CPEB2: variants seen among roughly 807,000 people sequenced by gnomAD.
The protein encoded by CPEB2 is cytoplasmic polyadenylation element binding protein 2.
Under a neutral mutation model 93.6 loss-of-function variants are expected in CPEB2, and 56 were observed. The ratio of observed to expected loss-of-function variants is 0.60; its 90% CI spans 0.48 to 0.75. CPEB2 has a LOEUF of 0.75. Among genes scored for constraint, CPEB2 ranks in the 30% least tolerant of loss-of-function variants. CPEB2 has a pLI of 0.00. For missense variants in CPEB2, 1,579 were observed against 1,395.1 expected (o/e 1.13, Z -2.10); for synonymous variants, 764 against 586.3 (o/e 1.30, Z -4.38).
rs549213333 is a variant in CPEB2 at position 15,066,073 on chromosome 4, G to C, written c.2878-80G>C. 2.0e-4 allele frequency: 244 copies of C among 1,225,826 alleles called. 2 individuals are homozygous for C. The African/African-American group carries it at 3.2e-3, about 16-fold the overall frequency. The allele number at this position is 1,225,826 out of a possible 1,614,324, so 75.9% of individuals were successfully genotyped here. On this transcript the variant is annotated intron_variant, in intron 11 of 11. Coordinates refer to ENST00000538197, the MANE Select transcript of CPEB2 (RefSeq NM_001177382.2). ...CTTTTAATGCTGGTCCTTTTTTTCT[G>C]CTGTAGAACATTTTAAGTTATTACA...
In CPEB2 at chr4:15,004,088, G is replaced by T. The variant is rs1163842444; in HGVS notation, c.1415G>T (p.Gly472Val). ...AGCTTCTCGCCCGTGTCGCCGCACG[G>T]CTGCACTGGGCTCAGCGTTCCGACG... The part of the protein sequence containing the change: ...FPSFSPVSPH[G>V]CTGLSVPTSG... The change falls in exon 1 of 12, where the codon GGC becomes GTC. Residue 472 changes from glycine to valine, a missense_variant. Gly to Val is a moderately radical substitution (Grantham distance 109). Transcript: ENST00000538197. The T allele has an allele frequency of 1.3e-6, 2 of 1,562,572 alleles. No individual in the cohort carries two copies. The highest frequency in any genetic ancestry group is 1.9e-5 in the Admixed American group (1 of 53,548).
chr4:15,004,441 G>A, intron 1 of CPEB2, 106 bp downstream of exon 1: 1 of 795,656 alleles, frequency 1.3e-6, no homozygotes, highest in Non-Finnish European at 1.8e-6. Context: ...CCCGAGAGAA[G>A]CCGCGACGGG....
Position 15,033,221 on chromosome 4 carries a change from A to C in CPEB2, c.2176+10A>C. 1.9e-6 allele frequency: 3 copies of C among 1,540,008 alleles called. No homozygotes were observed. Among genetic ancestry groups the C allele is most frequent in the Non-Finnish European group, 2.7e-6 (3 of 1,114,816 alleles). The stretch of plus-strand genomic sequence containing the variant: ...CTGTTGATGTTAAATGGTAAGTTTT[A>C]TAAAAACATTTTATGTTTCCAGTTG... On this transcript the variant is annotated intron_variant, in intron 5 of 11. Coordinates refer to ENST00000538197, the MANE Select transcript of CPEB2 (RefSeq NM_001177382.2).
intron 4 of CPEB2, among the ~76,000 whole-genome samples, chr4:15,027,575 A>G (rs1030056738): frequency 5.3e-5 from 8 of 152,230 alleles, no homozygotes; most frequent in East Asian, 1.9e-4. Context: ...CCAGACTTCA[A>G]ATGAACCTTT....
chr4:15,018,317 T>C (rs77555198), intron 4 of CPEB2, among the ~76,000 whole-genome samples: 2,057 of 151,984 alleles, frequency 0.014, 44 homozygotes, highest in African/African-American at 0.047. Flanking sequence ...TTTTTCTGTT[T>C]ATGGATTTTT....
At chr4:15,042,082 G>A (rs1182175481) in intron 6 of CPEB2, among the ~76,000 whole-genome samples, 3 of 152,144 alleles carry the variant, frequency 2.0e-5, no homozygotes, top group African/African-American at 7.2e-5. Context: ...TAGTAATGGA[G>A]CTTCAGTTCT....
At chr4:15,059,538 T>C (rs1176617396) in intron 10 of CPEB2, among the ~76,000 whole-genome samples, 1 of 152,144 alleles carries the variant, frequency 6.6e-6, no homozygotes, top group Non-Finnish European at 1.5e-5. Flanking sequence ...AGTAGCTAAC[T>C]CAAAGCAAAT....
At chr4:15,021,022 G>A (rs1317625287) in intron 4 of CPEB2, among the ~76,000 whole-genome samples, 5 of 152,126 alleles carry the variant, frequency 3.3e-5, no homozygotes, top group South Asian at 2.1e-4. Context: ...AAGCATGGAA[G>A]AGATTGTTAC....
intron 1 of CPEB2, among the ~76,000 whole-genome samples, chr4:15,006,251 G>A (rs1475398363): frequency 1.3e-5 from 2 of 152,102 alleles, no homozygotes; most frequent in East Asian, 1.9e-4. Flanking sequence ...TGGTGCTGTA[G>A]ATCAGGAGTT....
chr4:15,027,040 C>G (rs1725557031), intron 4 of CPEB2, among the ~76,000 whole-genome samples: 1 of 152,118 alleles, frequency 6.6e-6, no homozygotes, highest in Non-Finnish European at 1.5e-5. Flanking sequence ...CTCAACTTGA[C>G]TTTAATATTA....
Position 15,052,469 on chromosome 4 carries a change from T to C in CPEB2, c.2256T>C (p.Asp752=), listed in dbSNP as rs1203183681. The part of the protein sequence containing the change: ...DDGLLDDGHS[D]QVGVLNSPTC... Reference sequence around the variant, plus strand: ...GCTTGCTTGATGATGGTCACAGTGATCAAGTTGGAGTTTTAAATTCACCCA... The same window carrying C: ...GCTTGCTTGATGATGGTCACAGTGACCAAGTTGGAGTTTTAAATTCACCCA... Residue 752 remains aspartate (D), a synonymous_variant, in exon 7 of 12, where the codon GAT becomes GAC. Coordinates refer to ENST00000538197, the MANE Select transcript of CPEB2 (RefSeq NM_001177382.2). 5.0e-6 allele frequency: 8 copies of C among 1,594,072 alleles called. No homozygotes were observed. The highest frequency in any genetic ancestry group is 2.3e-5 in the East Asian group (1 of 44,228).
At chr4:15,022,315 G>A (rs1225251439) in intron 4 of CPEB2, among the ~76,000 whole-genome samples, 3 of 152,142 alleles carry the variant, frequency 2.0e-5, no homozygotes, top group Non-Finnish European at 4.4e-5. Flanking sequence ...GCCAAAGCAG[G>A]AATGTCATCT....
At position 15,067,451 on chromosome 4, in the gene CPEB2, T is replaced by G. The variant is rs1002186296; in HGVS notation, c.*1071T>G. On this transcript the variant is annotated 3_prime_UTR_variant, in exon 12 of 12. Transcript: ENST00000538197. ...CGGTTCTAATTCATGTGCAGTGATA[T>G]AGTATAGATAAAAGAATGAGTAAAA... The G allele has an allele frequency of 6.6e-6, 1 of 152,422 alleles. No homozygotes were observed. Among genetic ancestry groups the G allele is most frequent in the African/African-American group, 2.4e-5 (1 of 41,406 alleles). The allele number at this position is 152,422 out of a possible 1,614,324, so 9.4% of individuals were successfully genotyped here.
Position 15,052,519 on chromosome 4 carries a change from G to A in CPEB2, c.2306G>A (p.Gly769Glu). The change falls in exon 7 of 12, where the codon GGA becomes GAA. Residue 769 changes from glycine (G) to glutamate (E), a missense_variant. Gly to Glu is a moderately conservative substitution (Grantham distance 98). This residue lies in a region of CPEB2 where 168 missense variants were observed against 339.1 expected (regional missense o/e 0.50). Coordinates refer to ENST00000538197, the MANE Select transcript of CPEB2 (RefSeq NM_001177382.2). ...ACCTGTTATTCAGCTCACCAAAATGGAGAGCGAATAGAACGCTTCTCTCGA... is the reference window on the plus strand; with the variant it reads ...ACCTGTTATTCAGCTCACCAAAATGAAGAGCGAATAGAACGCTTCTCTCGA... ...SPTCYSAHQN[G>E]ERIERFSRKV... 6 of 1,596,088 alleles carry A rather than the reference G, an allele frequency of 3.8e-6. No homozygotes were observed. Among genetic ancestry groups the A allele is most frequent in the Non-Finnish European group, 5.1e-6 (6 of 1,168,462 alleles).
rs1237173036 is a variant in CPEB2 at position 15,051,108 on chromosome 4, C to T, written c.2201-1306C>T. 2.0e-5 allele frequency among the ~76,000 whole-genome samples: 3 copies of T among 151,932 alleles called. No individual in the cohort carries two copies. The East Asian group carries it at 5.8e-4, about 29-fold the overall frequency. ...GATCTCTCCTTTTTCATTCTTTCTC[C>T]CTATTTTGTTTCCTATCTGCTTGTG... On this transcript the variant is annotated intron_variant, in intron 6 of 11. Transcript: ENST00000538197.
chr4:15,014,947 T>G (rs1463197794), intron 3 of CPEB2, among the ~76,000 whole-genome samples: 4 of 152,074 alleles, frequency 2.6e-5, no homozygotes, highest in Non-Finnish European at 5.9e-5. Context: ...TAATATTTCA[T>G]TTATTTTAGA....
At position 15,002,691 on chromosome 4, in the gene CPEB2, T is replaced by TG; in HGVS notation, c.22dup (p.Val8GlyfsTer10). 4 of 1,511,384 alleles carry TG rather than the reference T, an allele frequency of 2.6e-6. No individual in the cohort carries two copies. Among genetic ancestry groups the TG allele is most frequent in the South Asian group, 1.2e-5 (1 of 82,296 alleles). The allele number at this position is 1,511,384 out of a possible 1,614,324, so 93.6% of individuals were successfully genotyped here. On this transcript the variant is annotated frameshift_variant, in exon 1 of 12. Transcript: ENST00000538197. LOFTEE classifies it high-confidence loss of function. ...CCTGATAAATGAGGGATTTCGGGTT[T>TG]GGGGTGCTGCAGACCGCCCCGCTCC...
chr4:15,055,173 C>T (rs943759135), intron 8 of CPEB2, among the ~76,000 whole-genome samples: 1 of 152,064 alleles, frequency 6.6e-6, no homozygotes, highest in Non-Finnish European at 1.5e-5. Flanking sequence ...TAATAGTTCA[C>T]ATAGTTTTTT....
intron 11 of CPEB2, 43 bp from the exon 12 acceptor site, chr4:15,066,110 C>G (rs754842223): frequency 5.9e-6 from 9 of 1,512,622 alleles, no homozygotes; most frequent in Admixed American, 1.7e-5. Flanking sequence ...AATTTGATTT[C>G]TGAAGCAGAC....
Sources: gnomAD v4.1 joint callset for allele counts (sites outside exome capture counted in the v4.1 genomes callset) on GRCh38, gnomAD v4.1.1 for gene constraint, gnomAD v4.1.1 regional missense constraint, MANE v1.5 for transcripts, NCBI Gene and HGNC (gene_info 2026-07-23, HGNC 2026-07-21) for gene names.